PXDN: variants seen among roughly 807,000 people sequenced by gnomAD.
The protein encoded by PXDN is peroxidasin homolog.
In PXDN, 77 loss-of-function variants were observed where a neutral mutation model predicts 140.3. That is an observed-to-expected ratio of 0.55 (90% CI 0.46 to 0.66). The LOEUF is 0.66. Ranked by LOEUF, PXDN falls within the 30% of genes least tolerant of loss-of-function variation. The probability of loss-of-function intolerance (pLI) is 0.00; values close to 1 mark genes in which losing one functional copy is unlikely to be tolerated. For missense variants in PXDN, 1,838 were observed against 2,039.5 expected, an observed-to-expected ratio of 0.90 and a Z score of 1.90; for synonymous variants, 911 against 857.4, an observed-to-expected ratio of 1.06 and a Z score of -1.09.
chr2:1,713,759 T>G (rs1428194217), intron 1 of PXDN, among the ~76,000 whole-genome samples: 1 of 152,192 alleles, frequency 6.6e-6, no homozygotes, highest in Non-Finnish European at 1.5e-5. Context: ...CCCGGGCCCC[T>G]GAGAGGTAAG....
rs780992457 is a variant in PXDN, at chr2:1,639,981, T to C, written c.3953-559A>G. ...TGGTGGACTGAGAAGCCCTCAGTGC[T>C]ATGCCTCACCTGAGCCCCGGGTGAG... On this transcript the variant is annotated intron_variant, in intron 19 of 22. Transcript: ENST00000252804. This position sits in a 1 kb window ranked among gnomAD's most constrained non-coding sequence, Gnocchi z 5.0. 4.6e-5 allele frequency among the ~76,000 whole-genome samples: 7 copies of C among 152,170 alleles called. No homozygotes were observed. The highest frequency in any genetic ancestry group is 7.4e-5 in the Non-Finnish European group (5 of 67,970).
intron 1 of PXDN, among the ~76,000 whole-genome samples, chr2:1,730,360 T>A (rs146251501): frequency 2.0e-5 from 3 of 152,322 alleles, no homozygotes; most frequent in Admixed American, 1.3e-4. Flanking sequence ...GCCTGGCAGA[T>A]TATACCCCTC....
At chr2:1,736,495 C>A (rs1371515659) in intron 1 of PXDN, among the ~76,000 whole-genome samples, 1 of 151,988 alleles carries the variant, frequency 6.6e-6, no homozygotes, top group Non-Finnish European at 1.5e-5. Context: ...GTTTATAATA[C>A]CCCAAAACAA....
intron 12 of PXDN, among the ~76,000 whole-genome samples, 156 bp downstream of exon 12, chr2:1,663,449 C>A (rs1683352543): frequency 6.6e-6 from 1 of 152,178 alleles, no homozygotes; most frequent in African/African-American, 2.4e-5. Flanking sequence ...TATGCAGACA[C>A]CCTGGGGGCA....
chr2:1,698,092 G>C (rs1248556983), intron 1 of PXDN, among the ~76,000 whole-genome samples: 2 of 152,182 alleles, frequency 1.3e-5, no homozygotes, highest in Admixed American at 1.3e-4. Flanking sequence ...GTAAGCGTGA[G>C]GGGTGCATCC....
At chr2:1,719,573 C>G (rs1303728181) in intron 1 of PXDN, among the ~76,000 whole-genome samples, 1 of 152,220 alleles carries the variant, frequency 6.6e-6, no homozygotes, top group Non-Finnish European at 1.5e-5. Flanking sequence ...ATTCTCACCA[C>G]AGTCCTCCAG....
chr2:1,708,025 G>A (rs1007461612), intron 1 of PXDN, among the ~76,000 whole-genome samples: 1 of 152,226 alleles, frequency 6.6e-6, no homozygotes, highest in Admixed American at 6.5e-5. Flanking sequence ...GCTTTGTCCC[G>A]AGAACAAGGG....
At position 1,714,735 on chromosome 2, in the gene PXDN, A is replaced by G. The variant is rs142651481; in HGVS notation, c.201-21601T>C. On this transcript the variant is annotated intron_variant, in intron 1 of 22. Coordinates refer to ENST00000252804, the MANE Select transcript of PXDN (RefSeq NM_012293.3). This position sits in a 1 kb window ranked among gnomAD's most constrained non-coding sequence, Gnocchi z 4.3. ...TCATAAAATGTCCACAGCATGAAAT[A>G]TTTACTCTTCTTTTGATTTTTTTCA... Among the ~76,000 whole-genome samples, 4 of 152,282 alleles carry G rather than the reference A, an allele frequency of 2.6e-5. No homozygotes were observed. The highest frequency in any genetic ancestry group is 9.6e-5 in the African/African-American group (4 of 41,574).
intron 1 of PXDN, among the ~76,000 whole-genome samples, chr2:1,702,929 A>G (rs1345361205): frequency 6.6e-6 from 1 of 150,784 alleles, no homozygotes; most frequent in East Asian, 2.0e-4. Context: ...ACGAGACATC[A>G]ATCAATATAT....
rs771449684 is a variant in PXDN at position 1,639,314 on chromosome 2, C to T, written c.4061G>A (p.Arg1354Gln). The T allele has an allele frequency of 9.9e-6, 16 of 1,613,292 alleles. No individual in the cohort carries two copies. The highest frequency in any genetic ancestry group is 3.3e-5 in the Admixed American group (2 of 59,884). The change falls in exon 20 of 23, where the codon CGG becomes CAG. Residue 1354 changes from arginine (R) to glutamine (Q), a missense_variant. Around this residue, in one of 5 missense-constraint regions of PXDN, gnomAD observed 850 missense variants for 894.1 expected, o/e 0.95. Transcript: ENST00000252804. This position sits in a 1 kb window ranked among gnomAD's most constrained non-coding sequence, Gnocchi z 5.0. ...EDKPTKKTRP[R>Q]KIPSVGRQGE... ...GAGACCACCATACCTGGGTATTTTC[C>T]GTGGTCTTGTTTTCTTGGTCGGCTT...
upstream of PXDN, chr2:1,744,651 C>A: frequency 4.7e-6 from 2 of 429,688 alleles, no homozygotes; most frequent in Non-Finnish European, 7.3e-6. Flanking sequence ...GCCCCAGCGT[C>A]CGGCCTGAGC....
At chr2:1,679,420 T>G (rs1683814290) in intron 7 of PXDN, among the ~76,000 whole-genome samples, 1 of 147,306 alleles carries the variant, frequency 6.8e-6, no homozygotes, top group African/African-American at 2.5e-5. Flanking sequence ...TGTGCGTGTG[T>G]GGTGTGTGTG....
At chr2:1,658,027 G>GCTCTCTCTCT (rs1156959508) in intron 14 of PXDN, among the ~76,000 whole-genome samples, 13 of 4,890 alleles carry the variant, frequency 2.7e-3, no homozygotes, top group South Asian at 6.5e-3. Context: ...TCAGCTGTGG[G>GCTCTCTCTCT]CTCTCTCTCT....
intron 2 of PXDN, chr2:1,692,617 T>C: frequency 2.1e-6 from 1 of 472,588 alleles, no homozygotes; most frequent in Non-Finnish European, 4.4e-6. Context: ...ACAGCAACGC[T>C]GGACTTGGCC....
At chr2:1,676,046 C>A (rs932458083) in intron 8 of PXDN, among the ~76,000 whole-genome samples, 1 of 152,200 alleles carries the variant, frequency 6.6e-6, no homozygotes, top group Admixed American at 6.5e-5. Flanking sequence ...TTTGAAAGTG[C>A]TCCACTCCAA....
chr2:1,667,854 T>C (rs1371371467), intron 9 of PXDN, among the ~76,000 whole-genome samples: 1 of 152,178 alleles, frequency 6.6e-6, no homozygotes, highest in Non-Finnish European at 1.5e-5. Flanking sequence ...GAAGAATCAA[T>C]ATTGTGAAAA....
At chr2:1,638,171 C>T (rs983191124) in intron 21 of PXDN, among the ~76,000 whole-genome samples, 9 of 152,156 alleles carry the variant, frequency 5.9e-5, no homozygotes, top group South Asian at 2.1e-4. Context: ...CCAGGACCTG[C>T]GCACCTTGGG....
Position 1,649,227 on chromosome 2 carries a change from G to A in PXDN, c.2553C>T (p.Cys851=), listed in dbSNP as rs1213897390. ...FSDGQHCSNV[C]SNDPPCFSVM... Reference sequence around the variant, plus strand: ...CAGAGAAGCAGGGGGGGTCGTTGCTGCACACGTTGCTGCAGTGCTGTCCGT... The same window carrying A: ...CAGAGAAGCAGGGGGGGTCGTTGCTACACACGTTGCTGCAGTGCTGTCCGT... The change falls in exon 17 of 23, where the codon TGC becomes TGT. Residue 851 remains cysteine (C), a synonymous_variant. Coordinates refer to ENST00000252804, the MANE Select transcript of PXDN (RefSeq NM_012293.3). This position sits in a 1 kb window ranked among gnomAD's most constrained non-coding sequence, Gnocchi z 7.1. 8 of 1,612,982 alleles carry A rather than the reference G, an allele frequency of 5.0e-6. No homozygotes were observed.
intron 14 of PXDN, among the ~76,000 whole-genome samples, chr2:1,656,461 T>G (rs1003705092): frequency 2.0e-5 from 3 of 152,228 alleles, no homozygotes; most frequent in African/African-American, 7.2e-5. Flanking sequence ...CTTCTTTCAC[T>G]TGGCTGCTGG....
Sources: allele counts gnomAD v4.1 joint callset (sites outside exome capture counted in the v4.1 genomes callset), GRCh38; gene constraint gnomAD v4.1.1; regional missense constraint gnomAD v4.1.1; non-coding constraint Gnocchi (gnomAD v3.1); transcripts MANE v1.5; gene names NCBI Gene and HGNC (gene_info 2026-07-23, HGNC 2026-07-21).